Variants in MBP observed in about 807,000 individuals in gnomAD.
MBP encodes myelin basic protein.
Under a neutral mutation model 35.8 loss-of-function variants are expected in MBP, and 16 were observed. That is an observed-to-expected ratio of 0.45 (90% confidence interval 0.30 to 0.68). The LOEUF is 0.68. Ranked by LOEUF, MBP falls within the 30% of genes least tolerant of loss-of-function variation. The probability of loss-of-function intolerance (pLI) is 0.08; values close to 1 mark genes in which losing one functional copy is unlikely to be tolerated. For synonymous variants in MBP, 143 were observed against 159.6 expected, an observed-to-expected ratio of 0.90 and a Z score of 0.78; for missense variants, 380 against 404.7, an observed-to-expected ratio of 0.94 and a Z score of 0.52.
chr18:77,001,953 C>A, intron 4 of MBP, among the ~76,000 whole-genome samples: 1 of 152,286 alleles, frequency 6.6e-6, no homozygotes, highest in Non-Finnish European at 1.5e-5. Context: ...GGAACATCTT[C>A]TAACTATCAT....
At chr18:77,103,343 G>T (rs992013713) in intron 2 of MBP, among the ~76,000 whole-genome samples, 4 of 152,186 alleles carry the variant, frequency 2.6e-5, no homozygotes, top group African/African-American at 9.7e-5. Context: ...CTGGGTGTAA[G>T]TCGGGGGTTC....
chr18:77,062,246 A>C (rs1281080371), intron 3 of MBP, among the ~76,000 whole-genome samples: 1 of 152,104 alleles, frequency 6.6e-6, no homozygotes, highest in Non-Finnish European at 1.5e-5. Context: ...GTTTAGCCCC[A>C]CGATTAGTCA....
chr18:76,991,766 G>A (rs1368557008), intron 4 of MBP, among the ~76,000 whole-genome samples: 1 of 152,222 alleles, frequency 6.6e-6, no homozygotes, highest in Non-Finnish European at 1.5e-5. Context: ...ACAGAACGCA[G>A]CGGAAGCAAA....
chr18:77,035,074 C>A (rs1013681235), intron 3 of MBP, among the ~76,000 whole-genome samples: 1 of 152,194 alleles, frequency 6.6e-6, no homozygotes, highest in African/African-American at 2.4e-5. Context: ...CATGGAAGCA[C>A]AGCTCCCCGG....
chr18:77,075,483 G>C lies in MBP; in HGVS notation c.52-9098C>G, dbSNP rs187131365. ...AAGGTGGGTCCTCTGTCCCCTCCAG[G>C]AGCAGCGGGCTGAAGGTGGAGTGGC... On this transcript the variant is annotated intron_variant, in intron 2 of 8. Coordinates refer to ENST00000355994, the MANE Select transcript of MBP (RefSeq NM_001025101.2). Among the ~76,000 whole-genome samples, 97 of 152,348 alleles carry C rather than the reference G, an allele frequency of 6.4e-4. 1 individual carries two copies. The highest frequency in any genetic ancestry group is 6.3e-3 in the Admixed American group (97 of 15,304).
intron 7 of MBP, chr18:76,985,876 G>A (rs948764019): frequency 3.1e-5 from 31 of 988,598 alleles, no homozygotes; most frequent in Non-Finnish European, 3.6e-5. Context: ...AGAGCAGGCC[G>A]CCCTGCCCTG....
At chr18:76,985,876 G>C (rs948764019) in intron 7 of MBP, 9 of 988,716 alleles carry the variant, frequency 9.1e-6, no homozygotes, top group Non-Finnish European at 9.6e-6. Flanking sequence ...AGAGCAGGCC[G>C]CCCTGCCCTG....
At chr18:77,111,915 A>G (rs967453595) in intron 1 of MBP, among the ~76,000 whole-genome samples, 3 of 152,188 alleles carry the variant, frequency 2.0e-5, no homozygotes, top group African/African-American at 7.2e-5. Context: ...AAGATATCTG[A>G]AAGAAAATAA....
intron 2 of MBP, among the ~76,000 whole-genome samples, chr18:77,083,362 G>A (rs1275033913): frequency 6.6e-6 from 1 of 152,154 alleles, no homozygotes; most frequent in African/African-American, 2.4e-5. Flanking sequence ...CGACGTCCAG[G>A]ACCCTTTTCT....
At chr18:77,064,943 CA>C (rs1974132947) in intron 3 of MBP, among the ~76,000 whole-genome samples, 1 of 152,152 alleles carries the variant, frequency 6.6e-6, no homozygotes. Flanking sequence ...TGAAGAAAAT[CA>C]AAGAGCTGTG....
At chr18:77,087,596 G>C (rs1201780467) in intron 2 of MBP, 1 of 152,280 alleles carries the variant, frequency 6.6e-6, no homozygotes, top group Non-Finnish European at 1.5e-5. Flanking sequence ...AAGCAGTCGC[G>C]CAGCGCTGTA....
intron 4 of MBP, chr18:77,015,517 T>C (rs1971577196): frequency 2.3e-5 from 23 of 985,260 alleles, no homozygotes; most frequent in Non-Finnish European, 2.8e-5. Context: ...TGTCTACAAA[T>C]GCACTGAAAG....
intron 2 of MBP, chr18:77,093,306 G>C (rs1975617275): frequency 6.6e-6 from 1 of 152,528 alleles, no homozygotes; most frequent in Non-Finnish European, 1.5e-5. Flanking sequence ...GCAGCAGAGG[G>C]AAGGCGGCAT....
At chr18:77,132,976 G>A (rs1233965279), upstream of MBP, 1 of 151,566 alleles carries the variant, frequency 6.6e-6, no homozygotes, top group Non-Finnish European at 1.5e-5. Flanking sequence ...GGGCGCACGG[G>A]GCCCACGCGC....
At chr18:77,055,018 G>T (rs574282214) in intron 3 of MBP, among the ~76,000 whole-genome samples, 12 of 152,206 alleles carry the variant, frequency 7.9e-5, no homozygotes, top group Non-Finnish European at 1.6e-4. Context: ...GTATCATAAA[G>T]GTATGCAAAC....
chr18:77,042,004 C>T (rs542170597), intron 3 of MBP, among the ~76,000 whole-genome samples: 13 of 152,008 alleles, frequency 8.6e-5, no homozygotes, highest in South Asian at 8.3e-4. Context: ...CCCGCATCAT[C>T]GATTTGTCAC....
chr18:77,095,459 G>C (rs1428847594), intron 2 of MBP: 2 of 152,206 alleles, frequency 1.3e-5, no homozygotes, highest in Non-Finnish European at 2.9e-5. Flanking sequence ...GGAATTTGGC[G>C]CTCAATGGCA....
At position 76,988,952 on chromosome 18, in the gene MBP, C is replaced by A. The variant is rs775660322; in HGVS notation, c.682-40G>T. On this transcript the variant is annotated intron_variant, in intron 5 of 8. Coordinates refer to ENST00000355994, the MANE Select transcript of MBP (RefSeq NM_001025101.2). This position sits in a 1 kb window ranked among gnomAD's most constrained non-coding sequence, Gnocchi z 5.2. The stretch of plus-strand genomic sequence containing the variant: ...AGAACCGTGGGCTGCACTGGGAGCC[C>A]TGTGCCGCCGTCCATTTCCTAACGG... 9 of 1,607,118 alleles carry A rather than the reference C, an allele frequency of 5.6e-6. No individual in the cohort carries two copies. The highest frequency in any genetic ancestry group is 7.7e-6 in the Non-Finnish European group (9 of 1,173,630).
At chr18:77,125,688 G>A (rs1977025078) in intron 1 of MBP, among the ~76,000 whole-genome samples, 1 of 152,106 alleles carries the variant, frequency 6.6e-6, no homozygotes, top group South Asian at 2.1e-4. Context: ...ACTGTTGTAA[G>A]TAAATCATAG....
Sources: gnomAD v4.1 joint callset for allele counts (sites outside exome capture counted in the v4.1 genomes callset) on GRCh38, gnomAD v4.1.1 for gene constraint, Gnocchi (gnomAD v3.1) non-coding constraint, MANE v1.5 for transcripts, NCBI Gene and HGNC (gene_info 2026-07-23, HGNC 2026-07-21) for gene names.